SSC5D: variants seen among roughly 807,000 people sequenced by gnomAD.
The protein encoded by SSC5D is scavenger receptor cysteine rich family member with 5 domains.
Under a neutral mutation model 104.6 loss-of-function variants are expected in SSC5D, and 106 were observed. The observed-to-expected ratio is 1.01, with a 90% CI of 0.87 to 1.19. The LOEUF is 1.19. Among genes scored for constraint, SSC5D ranks in the 50% most tolerant of loss-of-function variants. The probability of loss-of-function intolerance (pLI) is 0.00; values close to 1 mark genes in which losing one functional copy is unlikely to be tolerated. For missense variants in SSC5D, 1,993 were observed against 2,153.8 expected (o/e 0.93, Z 1.48); for synonymous variants, 860 against 883.5 (o/e 0.97, Z 0.47).
intron 1 of SSC5D, 69 bp from the exon 2 acceptor site, chr19:55,488,937 C>A: frequency 7.5e-6 from 7 of 932,592 alleles, no homozygotes; most frequent in South Asian, 1.4e-5. Context: ...AGATGAGGGG[C>A]CTGCGCTGGA....
chr19:55,491,640 C>T (rs1031037233), intron 6 of SSC5D: 36 of 156,062 alleles, frequency 2.3e-4, no homozygotes, highest in Non-Finnish European at 4.3e-4. Context: ...CCCCTCAGCG[C>T]GGGGTCTCCT....
At chr19:55,508,248 A>G (rs1987681323) in intron 12 of SSC5D, among the ~76,000 whole-genome samples, 1 of 152,150 alleles carries the variant, frequency 6.6e-6, no homozygotes, top group South Asian at 2.1e-4. Context: ...CCAGCTGGGA[A>G]GCCGGGGAGA....
intron 1 of SSC5D, 44 bp from the exon 2 acceptor site, chr19:55,488,962 C>T (rs779840978): frequency 3.8e-5 from 56 of 1,485,460 alleles, no homozygotes; most frequent in African/African-American, 1.1e-4. Context: ...GGGCCACCCC[C>T]GGCCTGCCCC....
Position 55,517,923 on chromosome 19 carries a change from C to G in SSC5D, c.3647C>G (p.Pro1216Arg). 6.6e-7 allele frequency: 1 copy of G among 1,524,570 alleles called. No individual in the cohort carries two copies. The allele number at this position is 1,524,570 out of a possible 1,614,324, so 94.4% of individuals were successfully genotyped here. Reference protein sequence around the residue: ...FTTITHSTMIPDPTTTPQPFT... With the variant: ...FTTITHSTMIRDPTTTPQPFT... ...ACCATCACTCACTCCACCATGATTCCTGACCCCACCACAACCCCTCAACCC... is the reference window on the plus strand; with the variant it reads ...ACCATCACTCACTCCACCATGATTCGTGACCCCACCACAACCCCTCAACCC... The change falls in exon 14 of 14, where the codon CCT (proline) becomes CGT (arginine). Residue 1216 changes from proline (P) to arginine (R), a missense_variant. Physicochemically the swap from Pro to Arg is moderately radical, Grantham distance 103. Around this residue, in one of 6 missense-constraint regions of SSC5D, gnomAD observed 20 missense variants for 102.5 expected, o/e 0.20. Transcript: ENST00000389623.
chr19:55,491,470 T>G lies in SSC5D; in HGVS notation c.895+390T>G, dbSNP rs935447783. ...GGGCTGGCCATGGCAGGGGACCGTCTCGGAGACCTCTTGTCTCTGTGGCCA... is the reference window on the plus strand; with the variant it reads ...GGGCTGGCCATGGCAGGGGACCGTCGCGGAGACCTCTTGTCTCTGTGGCCA... On this transcript the variant is annotated intron_variant, in intron 6 of 13. Transcript: ENST00000389623. The G allele has an allele frequency of 2.6e-5, 5 of 193,426 alleles. No homozygotes were observed. In the East Asian group the frequency reaches 7.3e-4, roughly 28 times the overall value. The allele number at this position is 193,426 out of a possible 1,614,324, so 12.0% of individuals were successfully genotyped here.
rs1034360242 is a variant in SSC5D at position 55,515,181 on chromosome 19, G to A, written c.2947+2009G>A. On this transcript the variant is annotated intron_variant, in intron 13 of 13. Coordinates refer to ENST00000389623, the MANE Select transcript of SSC5D (RefSeq NM_001144950.2). ...GGCTGAGGCAGGCAGATCACCTGAG[G>A]TCGGGGGTTCAAGACTAGCCTGAAC... 4.6e-5 allele frequency among the ~76,000 whole-genome samples: 7 copies of A among 151,566 alleles called. No homozygotes were observed. The East Asian group carries it at 7.8e-4, about 17-fold the overall frequency.
In SSC5D at chr19:55,489,868, C is replaced by CA. The variant is rs148701987; in HGVS notation, c.362-14_362-13insA. On this transcript the variant is annotated splice_polypyrimidine_tract_variant and intron_variant, in intron 3 of 13. Transcript: ENST00000389623. ...CCTCTCCTCATAGCTTCTGTCCCTG[C>CA]CCCCCCGCCGCAGGTCAGCGTGTGG... 10,865 of 1,541,562 alleles carry CA rather than the reference C, an allele frequency of 7.0e-3. 48 individuals are homozygous for CA. Among genetic ancestry groups the CA allele is most frequent in the Non-Finnish European group, 8.6e-3 (9,823 of 1,138,724 alleles).
rs768510291 is a variant in SSC5D, at chr19:55,518,705, A to C, written c.4429A>C (p.Thr1477Pro). ...CCCCCATGGTCCATGTGTGGCCCCA[A>C]CACCACCTGTAAGGGTCATGGCTTG... is the stretch of plus-strand genomic sequence containing the variant. ...PGPHGPCVAP[T>P]PPVRVMACEP... The change falls in exon 14 of 14, where the codon ACA becomes CCA. Residue 1477 changes from threonine to proline, a missense_variant. This residue lies in a region of SSC5D where 349 missense variants were observed against 397.6 expected (regional missense o/e 0.88). Transcript: ENST00000389623. 14 of 1,550,654 alleles carry C rather than the reference A, an allele frequency of 9.0e-6. No homozygotes were observed. Among genetic ancestry groups the C allele is most frequent in the Non-Finnish European group, 1.2e-5 (14 of 1,146,802 alleles).
At chr19:55,517,048 C>T (rs2123460903) in intron 13 of SSC5D, among the ~76,000 whole-genome samples, 176 bp from the exon 14 acceptor site, 1 of 152,312 alleles carries the variant, frequency 6.6e-6, no homozygotes, top group South Asian at 2.1e-4. Context: ...CGCCTGGAGC[C>T]ATCGGAGGAC....
chr19:55,505,871 G>C (rs755597979), intron 12 of SSC5D, among the ~76,000 whole-genome samples: 1 of 151,694 alleles, frequency 6.6e-6, no homozygotes, highest in Non-Finnish European at 1.5e-5. Flanking sequence ...TGAGTAGCTG[G>C]GATTACAGGC....
chr19:55,489,777 C>G, intron 3 of SSC5D, 105 bp from the exon 4 acceptor site: 7 of 1,476,504 alleles, frequency 4.7e-6, no homozygotes, highest in Non-Finnish European at 6.5e-6. Flanking sequence ...CACCCAACCT[C>G]CCATCCCCTC....
intron 12 of SSC5D, among the ~76,000 whole-genome samples, chr19:55,504,973 G>GC: frequency 6.6e-6 from 1 of 152,210 alleles, no homozygotes. Context: ...TAACTTAGGA[G>GC]CCACGATTAT....
Position 55,503,982 on chromosome 19 carries a change from G to C in SSC5D, c.2785+2781G>C, listed in dbSNP as rs1038750962. 3.5e-6 allele frequency: 3 copies of C among 854,272 alleles called. No individual in the cohort carries two copies. Among genetic ancestry groups the C allele is most frequent in the Non-Finnish European group, 5.2e-6 (3 of 573,112 alleles). The allele number at this position is 854,272 out of a possible 1,614,324, so 52.9% of individuals were successfully genotyped here. A position where few individuals can be genotyped will look rare whatever the true frequency, so the allele number is the denominator to read the frequency against. The stretch of plus-strand genomic sequence containing the variant: ...GCATCGCCCGCAGTAATAATAGCTG[G>C]GCGAAGGGCAACCAGGCCCCAAGAA... On this transcript the variant is annotated intron_variant, in intron 12 of 13. Transcript: ENST00000389623. This position sits in a 1 kb window ranked among gnomAD's most constrained non-coding sequence, Gnocchi z 4.0.
chr19:55,489,076 G>A (rs756051841), intron 2 of SSC5D, 44 bp downstream of exon 2: 2 of 839,792 alleles, frequency 2.4e-6, no homozygotes, highest in Non-Finnish European at 3.1e-6. Context: ...CCCCCCCCAG[G>A]CCTCCCCCTT....
intron 2 of SSC5D, 30 bp downstream of exon 2, chr19:55,489,062 G>GA: frequency 1.1e-6 from 1 of 910,520 alleles, no homozygotes; most frequent in Non-Finnish European, 1.5e-6. Context: ...CCATCTGCCC[G>GA]CCCCCCCCCC....
Position 55,517,368 on chromosome 19 carries a change from C to T in SSC5D, c.3092C>T (p.Thr1031Ile). ...ACCTCTGACTCCAGTCGAGAGCTCA[C>T]TCCCCACTCAGCCTTGACGTCCGAG... ...ALTSDSSREL[T>I]PHSALTSEAT... The change falls in exon 14 of 14, where the codon ACT (threonine) becomes ATT (isoleucine). Residue 1031 changes from threonine (T) to isoleucine (I), a missense_variant. Around this residue, in one of 6 missense-constraint regions of SSC5D, gnomAD observed 423 missense variants for 409.2 expected, o/e 1.03. Coordinates refer to ENST00000389623, the MANE Select transcript of SSC5D (RefSeq NM_001144950.2). The T allele has an allele frequency of 6.4e-7, 1 of 1,550,574 alleles. No homozygotes were observed. The highest frequency in any genetic ancestry group is 8.7e-7 in the Non-Finnish European group (1 of 1,146,912).
At chr19:55,488,648 GCCTAGGCCCCCACCTCTGAC>G (rs1568472510) in intron 1 of SSC5D, 34 bp downstream of exon 1, 1 of 1,543,740 alleles carries the variant, frequency 6.5e-7, no homozygotes, top group South Asian at 1.2e-5. Flanking sequence ...GACTCGGGGG[GCCTAGGCCCCCACCTCTGAC>G]CCCTTAGCTT....
At chr19:55,516,463 C>T (rs1987873666) in intron 13 of SSC5D, among the ~76,000 whole-genome samples, 1 of 151,628 alleles carries the variant, frequency 6.6e-6, no homozygotes. Context: ...CGCCACTGCA[C>T]TCCAGCCTGG....
chr19:55,508,669 G>T (rs1010371381), intron 12 of SSC5D, among the ~76,000 whole-genome samples: 5 of 55,440 alleles, frequency 9.0e-5, no homozygotes, highest in Admixed American at 4.1e-4. Flanking sequence ...ACAGGGGATG[G>T]GGGGAGGCCT....
Sources: gnomAD v4.1 joint callset for allele counts (sites outside exome capture counted in the v4.1 genomes callset) on GRCh38, gnomAD v4.1.1 for gene constraint, gnomAD v4.1.1 regional missense constraint, Gnocchi (gnomAD v3.1) non-coding constraint, MANE v1.5 for transcripts, NCBI Gene and HGNC (gene_info 2026-07-23, HGNC 2026-07-21) for gene names.